Variants in SLC4A10 observed in about 807,000 individuals in gnomAD.
SLC4A10 encodes solute carrier family 4 member 10.
A neutral mutation model predicts 137.7 loss-of-function variants in SLC4A10; 42 were observed. The observed-to-expected ratio is 0.30, with a 90% confidence interval of 0.24 to 0.39. SLC4A10 has a LOEUF of 0.39. Ranked by LOEUF, SLC4A10 falls within the 10% of genes least tolerant of loss-of-function variation. The pLI is 1.00. For synonymous variants in SLC4A10, 474 were observed against 464.1 expected (o/e 1.02, Z -0.27); for missense variants, 925 against 1,355.0 (o/e 0.68, Z 4.98).
chr2:161,854,791 G>A (rs1422163537), intron 4 of SLC4A10, among the ~76,000 whole-genome samples, 179 bp from the exon 5 acceptor site: 1 of 151,898 alleles, frequency 6.6e-6, no homozygotes, highest in Non-Finnish European at 1.5e-5. Flanking sequence ...AAGAATATGA[G>A]TTAAATGGAA....
rs552251199 is a variant in SLC4A10 at position 161,649,754 on chromosome 2, T to A, written c.48+25188T>A. 2.6e-5 allele frequency among the ~76,000 whole-genome samples: 4 copies of A among 151,784 alleles called. No individual in the cohort carries two copies. The East Asian group carries it at 5.8e-4, about 22-fold the overall frequency. On this transcript the variant is annotated intron_variant, in intron 1 of 26. Coordinates refer to ENST00000446997, the MANE Select transcript of SLC4A10 (RefSeq NM_001178015.2). ...GTTCAAAAATATATTCTCTCATATG[T>A]ATTATATATTTTAATACTTTTTTGG... is the stretch of plus-strand genomic sequence containing the variant.
intron 1 of SLC4A10, among the ~76,000 whole-genome samples, chr2:161,664,297 A>G (rs1213361389): frequency 6.6e-6 from 1 of 152,004 alleles, no homozygotes; most frequent in Non-Finnish European, 1.5e-5. Flanking sequence ...CTTTGAACTC[A>G]TAACTAAAAG....
rs1700659061 is a variant in SLC4A10 at position 161,985,091 on chromosome 2, T to C, written c.*1939T>C. ...GAAATCATATAAAATATAATAAAAA[T>C]GTAGTATTATATATTTACTTCTAAT... On this transcript the variant is annotated 3_prime_UTR_variant, in exon 27 of 27. Coordinates refer to ENST00000446997, the MANE Select transcript of SLC4A10 (RefSeq NM_001178015.2). 6.6e-6 allele frequency: 1 copy of C among 152,024 alleles called. No individual in the cohort carries two copies. The highest frequency in any genetic ancestry group is 1.5e-5 in the Non-Finnish European group (1 of 67,938). The allele number at this position is 152,024 out of a possible 1,614,324, so 9.4% of individuals were successfully genotyped here. A position where few individuals can be genotyped will look rare whatever the true frequency, so the allele number is the denominator to read the frequency against.
At chr2:161,660,580 C>CTTTCTTTCTTTCTTTCT (rs2038184336) in intron 1 of SLC4A10, among the ~76,000 whole-genome samples, 1 of 129,628 alleles carries the variant, frequency 7.7e-6, no homozygotes, top group Non-Finnish European at 1.8e-5. Context: ...TTCTTTCTTT[C>CTTTCTTTCTTTCTTTCT]TTTCTTTCTT....
At chr2:161,684,376 CA>C (rs2041173396) in intron 1 of SLC4A10, among the ~76,000 whole-genome samples, 1 of 152,014 alleles carries the variant, frequency 6.6e-6, no homozygotes, top group African/African-American at 2.4e-5. Context: ...TTAAGTTTTT[CA>C]TATTCCCTTT....
chr2:161,896,104 A>AG (rs1230230679), intron 11 of SLC4A10, among the ~76,000 whole-genome samples: 1 of 152,168 alleles, frequency 6.6e-6, no homozygotes, highest in East Asian at 1.9e-4. Context: ...GGTGTAAGGA[A>AG]GGGATCCACT....
chr2:161,672,805 T>C (rs1290218348), intron 1 of SLC4A10, among the ~76,000 whole-genome samples: 1 of 152,190 alleles, frequency 6.6e-6, no homozygotes, highest in Non-Finnish European at 1.5e-5. Flanking sequence ...TTTATACTTC[T>C]TCAAGTATAA....
chr2:161,633,299 G>A (rs775674164), intron 1 of SLC4A10, among the ~76,000 whole-genome samples: 2 of 151,750 alleles, frequency 1.3e-5, no homozygotes, highest in Non-Finnish European at 1.5e-5. Context: ...TCGGTGGCTG[G>A]ATTCTTGAAA....
chr2:161,708,051 TA>T (rs1441127962), intron 1 of SLC4A10, among the ~76,000 whole-genome samples: 1 of 151,310 alleles, frequency 6.6e-6, no homozygotes, highest in Non-Finnish European at 1.5e-5. Flanking sequence ...AGAAAGTAAA[TA>T]AAAATATAAA....
intron 1 of SLC4A10, among the ~76,000 whole-genome samples, chr2:161,660,805 C>T (rs1347184344): frequency 2.0e-5 from 3 of 151,388 alleles, no homozygotes; most frequent in Non-Finnish European, 4.4e-5. Context: ...AGGCGCCCAC[C>T]ACCACACCCA....
chr2:161,714,631 T>G (rs959894861), intron 1 of SLC4A10, among the ~76,000 whole-genome samples: 1 of 151,916 alleles, frequency 6.6e-6, no homozygotes, highest in Admixed American at 6.6e-5. Context: ...TCATAAGAAT[T>G]TATTGAGGCT....
chr2:161,644,830 C>T lies in SLC4A10; in HGVS notation c.48+20264C>T, dbSNP rs188318691. ...TTTCATAAAAATTTTTATTTCTATC[C>T]ACTATTTTTCAAGTAAAAGAAACAC... On this transcript the variant is annotated intron_variant, in intron 1 of 26. Coordinates refer to ENST00000446997, the MANE Select transcript of SLC4A10 (RefSeq NM_001178015.2). Among the ~76,000 whole-genome samples, 8 of 152,096 alleles carry T rather than the reference C, an allele frequency of 5.3e-5. No individual in the cohort carries two copies. In the East Asian group the frequency reaches 1.5e-3, roughly 29 times the overall value.
intron 3 of SLC4A10, among the ~76,000 whole-genome samples, chr2:161,821,914 G>A (rs147157113): frequency 3.9e-5 from 6 of 152,188 alleles, no homozygotes; most frequent in African/African-American, 9.6e-5. Context: ...GGAACCATAC[G>A]TTATCTTGAA....
At position 161,977,595 on chromosome 2, in the gene SLC4A10, T is replaced by C. The variant is rs916700708; in HGVS notation, c.3345-127T>C. The C allele has an allele frequency of 7.0e-6, 5 of 717,818 alleles. No homozygotes were observed. In the Admixed American group the frequency reaches 8.7e-5, roughly 12 times the overall value. 44.5% of individuals were successfully genotyped at this position (717,818 alleles called of 1,614,324 possible). On this transcript the variant is annotated intron_variant, in intron 25 of 26. Coordinates refer to ENST00000446997, the MANE Select transcript of SLC4A10 (RefSeq NM_001178015.2). ...GAGGAATTCCTATGTTATGCTAATA[T>C]CTCTTTTTGTTAGAGAGTGATTGAG...
chr2:161,787,895 C>T (rs113438125), intron 2 of SLC4A10, among the ~76,000 whole-genome samples: 4,842 of 152,094 alleles, frequency 0.032, 111 homozygotes, highest in Middle Eastern at 0.054. Flanking sequence ...TCTTGAATTC[C>T]TTATCAGTCA....
chr2:161,964,213 C>T lies in SLC4A10; in HGVS notation c.2941C>T (p.Arg981Ter), dbSNP rs1697200349. ...TATATACCTAAGGCACGTACCGCTTCGAAAAGTGCATCTCTTCACAATTAT... is the reference window on the plus strand; with the variant it reads ...TATATACCTAAGGCACGTACCGCTTTGAAAAGTGCATCTCTTCACAATTAT... ...DFIYLRHVPL[R>*]KVHLFTIIQM... Residue 981 changes from arginine (R) to a stop codon, truncating the protein, a stop_gained, in exon 22 of 27, where the codon CGA (arginine) becomes TGA (stop). Coordinates refer to ENST00000446997, the MANE Select transcript of SLC4A10 (RefSeq NM_001178015.2). LOFTEE classifies it high-confidence loss of function. 6.2e-7 allele frequency: 1 copy of T among 1,613,384 alleles called. No homozygotes were observed. Among genetic ancestry groups the T allele is most frequent in the Non-Finnish European group, 8.5e-7 (1 of 1,179,622 alleles).
intron 1 of SLC4A10, among the ~76,000 whole-genome samples, chr2:161,726,657 C>T (rs1248073698): frequency 6.6e-6 from 1 of 152,170 alleles, no homozygotes; most frequent in African/African-American, 2.4e-5. Flanking sequence ...ACCTGTAGTC[C>T]CAGCACTTTG....
chr2:161,701,588 T>C, intron 1 of SLC4A10, among the ~76,000 whole-genome samples: 1 of 151,994 alleles, frequency 6.6e-6, no homozygotes, highest in East Asian at 1.9e-4. Context: ...ACATTCCAAT[T>C]CTTCTCTTCT....
At chr2:161,687,448 A>G (rs2041553689) in intron 1 of SLC4A10, among the ~76,000 whole-genome samples, 1 of 152,214 alleles carries the variant, frequency 6.6e-6, no homozygotes, top group Non-Finnish European at 1.5e-5. Flanking sequence ...TCTTGGATTT[A>G]TAAAATAGAA....
Sources: allele counts gnomAD v4.1 joint callset (sites outside exome capture counted in the v4.1 genomes callset), GRCh38; gene constraint gnomAD v4.1.1; transcripts MANE v1.5; gene names NCBI Gene and HGNC (gene_info 2026-07-23, HGNC 2026-07-21).